Variants in KIF16B observed in about 807,000 individuals in gnomAD.
KIF16B encodes the protein kinesin-like protein KIF16B.
KIF16B carries 98 observed loss-of-function variants against 156.3 expected under a neutral mutation model. That is an observed-to-expected ratio of 0.63 (90% CI 0.53 to 0.74). The LOEUF (loss-of-function observed/expected upper bound fraction) is 0.74, where lower values mean the gene tolerates loss of function less well. Among genes scored for constraint, KIF16B ranks in the 30% least tolerant of loss-of-function variants. KIF16B has a pLI of 0.00. For synonymous variants in KIF16B, 564 were observed against 583.7 expected, an observed-to-expected ratio of 0.97 and a Z score of 0.49; for missense variants, 1,421 against 1,606.5, an observed-to-expected ratio of 0.88 and a Z score of 1.97.
chr20:16,506,003 G>C lies in KIF16B; in HGVS notation c.868+19C>G, dbSNP rs1180976487. ...AAAGAGGAGGAAACAGAGGAGGCAG[G>C]AGCCAGGCGTAAGCATACCTAAGGC... On this transcript the variant is annotated intron_variant, in intron 8 of 25. Transcript: ENST00000354981. 1.4e-5 allele frequency: 23 copies of C among 1,613,394 alleles called. No individual in the cohort carries two copies. The highest frequency in any genetic ancestry group is 2.0e-5 in the Non-Finnish European group (23 of 1,179,380).
At chr20:16,340,998 C>G (rs996335122) in intron 23 of KIF16B, among the ~76,000 whole-genome samples, 7 of 152,100 alleles carry the variant, frequency 4.6e-5, no homozygotes, top group African/African-American at 9.7e-5. Context: ...CAATACACCC[C>G]CTTCTGCCTT....
intron 12 of KIF16B, among the ~76,000 whole-genome samples, chr20:16,431,936 A>ACACACACACG (rs990835534): frequency 1.5e-4 from 23 of 151,210 alleles, no homozygotes; most frequent in Admixed American, 4.6e-4. Context: ...ACACACACAC[A>ACACACACACG]CACGCACAAG....
At chr20:16,317,449 G>T (rs1239882495) in intron 24 of KIF16B, among the ~76,000 whole-genome samples, 1 of 148,188 alleles carries the variant, frequency 6.7e-6, no homozygotes, top group Admixed American at 6.8e-5. Context: ...GGAAGAAAAA[G>T]AATTTCTTTC....
intron 12 of KIF16B, among the ~76,000 whole-genome samples, chr20:16,444,886 CA>C (rs944253652): frequency 5.0e-4 from 76 of 152,160 alleles, no homozygotes; most frequent in Non-Finnish European, 5.6e-4. Context: ...TCAGAAACAA[CA>C]AAAAAACCTT....
intron 23 of KIF16B, among the ~76,000 whole-genome samples, chr20:16,342,954 G>A (rs557456156): frequency 6.6e-6 from 1 of 152,184 alleles, no homozygotes; most frequent in Non-Finnish European, 1.5e-5. Flanking sequence ...TAGACAGAAA[G>A]GCAAAATTAA....
At chr20:16,343,138 C>A (rs2064170136) in intron 23 of KIF16B, among the ~76,000 whole-genome samples, 2 of 152,118 alleles carry the variant, frequency 1.3e-5, no homozygotes, top group African/African-American at 4.8e-5. Flanking sequence ...ATTTGAGGAG[C>A]AAATTCATTA....
At chr20:16,500,430 T>C (rs1221525961) in intron 10 of KIF16B, among the ~76,000 whole-genome samples, 1 of 152,176 alleles carries the variant, frequency 6.6e-6, no homozygotes. Context: ...TGGTCTGTAT[T>C]GGTTAGAGCA....
At chr20:16,480,665 G>C (rs2067955418) in intron 12 of KIF16B, among the ~76,000 whole-genome samples, 1 of 152,232 alleles carries the variant, frequency 6.6e-6, no homozygotes, top group South Asian at 2.1e-4. Context: ...GAGGAGGAAA[G>C]AGCTAGGAAG....
intron 2 of KIF16B, among the ~76,000 whole-genome samples, chr20:16,526,556 T>C (rs1353341927): frequency 1.3e-5 from 2 of 152,192 alleles, no homozygotes; most frequent in South Asian, 2.1e-4. Context: ...TTCACATAGA[T>C]CATGATAAGA....
At chr20:16,382,648 C>T (rs2065125449) in intron 17 of KIF16B, among the ~76,000 whole-genome samples, 5 of 152,268 alleles carry the variant, frequency 3.3e-5, no homozygotes, top group Admixed American at 2.0e-4. Flanking sequence ...ATTTAATTAT[C>T]GCAAAGTTTC....
chr20:16,470,561 C>T (rs1459131404), intron 12 of KIF16B, among the ~76,000 whole-genome samples: 5 of 152,108 alleles, frequency 3.3e-5, no homozygotes, highest in Non-Finnish European at 1.5e-5. Context: ...CAGCTCACTG[C>T]AGCCTCCAAC....
intron 24 of KIF16B, among the ~76,000 whole-genome samples, chr20:16,317,753 A>G (rs902640996): frequency 6.6e-6 from 1 of 152,248 alleles, no homozygotes; most frequent in African/African-American, 2.4e-5. Context: ...CACAGAGAGA[A>G]GAGATGACGG....
intron 22 of KIF16B, among the ~76,000 whole-genome samples, chr20:16,365,006 TAC>T (rs2064632470): frequency 6.6e-6 from 1 of 152,228 alleles, no homozygotes; most frequent in Non-Finnish European, 1.5e-5. Context: ...TAAAATTATG[TAC>T]AGTTTATTTA....
At position 16,429,012 on chromosome 20, in the gene KIF16B, GA is replaced by G; in HGVS notation, c.1423-9del. 6.2e-7 allele frequency: 1 copy of G among 1,610,710 alleles called. No homozygotes were observed. The highest frequency in any genetic ancestry group is 8.5e-7 in the Non-Finnish European group (1 of 1,177,098). On this transcript the variant is annotated splice_polypyrimidine_tract_variant and intron_variant, in intron 13 of 25. Transcript: ENST00000354981. Reference sequence around the variant, plus strand: ...AACGTATGTCTGACCTTCCTGGGAAGAAAACCCAAGCAAAATGTATTAGTAA... The same window carrying G: ...AACGTATGTCTGACCTTCCTGGGAAGAAACCCAAGCAAAATGTATTAGTAA...
intron 23 of KIF16B, among the ~76,000 whole-genome samples, chr20:16,337,388 T>G (rs1373619352): frequency 2.6e-5 from 4 of 152,168 alleles, no homozygotes; most frequent in Non-Finnish European, 5.9e-5. Flanking sequence ...ATTCGCTCAC[T>G]TCCCAAAAGT....
chr20:16,463,688 T>A (rs912100998), intron 12 of KIF16B, among the ~76,000 whole-genome samples: 115 of 152,292 alleles, frequency 7.6e-4, no homozygotes, highest in African/African-American at 2.5e-3. Context: ...AGTCTTCTGA[T>A]AGGTCCAGGT....
intron 12 of KIF16B, among the ~76,000 whole-genome samples, chr20:16,473,053 AC>A (rs1333806083): frequency 2.0e-5 from 3 of 152,234 alleles, no homozygotes; most frequent in African/African-American, 7.2e-5. Flanking sequence ...ATAGGAAAAG[AC>A]CAAATGGTAA....
intron 17 of KIF16B, among the ~76,000 whole-genome samples, chr20:16,401,613 G>A (rs889406037): frequency 6.6e-6 from 1 of 152,168 alleles, no homozygotes; most frequent in African/African-American, 2.4e-5. Context: ...CAAGGCCCCT[G>A]ACCTTAAAAA....
chr20:16,434,358 G>A (rs1313572393), intron 12 of KIF16B, among the ~76,000 whole-genome samples: 1 of 152,168 alleles, frequency 6.6e-6, no homozygotes, highest in East Asian at 1.9e-4. Context: ...TGTAACCACC[G>A]TAATGGTTTA....
Sources: allele counts gnomAD v4.1 joint callset (sites outside exome capture counted in the v4.1 genomes callset), GRCh38; gene constraint gnomAD v4.1.1; transcripts MANE v1.5; gene names NCBI Gene and HGNC (gene_info 2026-07-23, HGNC 2026-07-21).